The following JPH1 variants were observed in gnomAD, a reference collection of about 807,000 sequenced individuals.
JPH1 encodes the protein junctophilin 1.
JPH1 carries 12 observed loss-of-function variants against 53.6 expected under a neutral mutation model. The observed-to-expected ratio is 0.22, with a 90% confidence interval of 0.14 to 0.36. JPH1 has a LOEUF of 0.36. Ranked by LOEUF, JPH1 falls within the 10% of genes least tolerant of loss-of-function variation. JPH1 has a pLI of 1.00. For missense variants in JPH1, 808 were observed against 905.5 expected, an observed-to-expected ratio of 0.89 and a Z score of 1.38; for synonymous variants, 375 against 363.8, an observed-to-expected ratio of 1.03 and a Z score of -0.35.
At chr8:74,283,733 C>A (rs1353721399) in intron 2 of JPH1, among the ~76,000 whole-genome samples, 4 of 152,208 alleles carry the variant, frequency 2.6e-5, no homozygotes, top group Admixed American at 6.5e-5. Context: ...CTCCCCCTCC[C>A]CAAGCCCTGA....
chr8:74,316,003 T>C (rs1372940071), intron 1 of JPH1, among the ~76,000 whole-genome samples: 2 of 152,244 alleles, frequency 1.3e-5, no homozygotes, highest in Non-Finnish European at 2.9e-5. Context: ...AAATGAATTC[T>C]ATGTGTAAAT....
intron 2 of JPH1, among the ~76,000 whole-genome samples, chr8:74,298,236 T>C (rs1807576862): frequency 6.6e-6 from 1 of 152,212 alleles, no homozygotes; most frequent in African/African-American, 2.4e-5. Flanking sequence ...CCCCATAATG[T>C]CTCCATCAGC....
chr8:74,306,384 A>G (rs147090282), intron 2 of JPH1, among the ~76,000 whole-genome samples: 1 of 152,296 alleles, frequency 6.6e-6, no homozygotes, highest in East Asian at 1.9e-4. Context: ...CCCAGAAAAA[A>G]TGTGACGAAG....
chr8:74,244,384 A>G, intron 4 of JPH1, 145 bp downstream of exon 4: 2 of 799,806 alleles, frequency 2.5e-6, no homozygotes, highest in South Asian at 1.8e-5. Flanking sequence ...CAAGCTACCA[A>G]TGTGTTATGT....
Position 74,315,438 on chromosome 8 carries a change from C to A in JPH1, c.562G>T (p.Gly188Cys). ...DAAAAADSPA[G>C]TRGGFVLNFH... ...TTGAGCACGAAACCGCCGCGGGTGC[C>A]GGCCGGGCTGTCGGCGGCGGCTGCG... The change falls in exon 2 of 6, where the codon GGC (glycine) becomes TGC (cysteine). Residue 188 changes from glycine (G) to cysteine (C), a missense_variant. Gly to Cys is a radical substitution (Grantham distance 159). Around this residue, in one of 2 missense-constraint regions of JPH1, gnomAD observed 756 missense variants for 811.9 expected, o/e 0.93. Coordinates refer to ENST00000342232, the MANE Select transcript of JPH1 (RefSeq NM_020647.4). The surrounding 1 kb of genome is among the most constrained non-coding windows in gnomAD (Gnocchi z 6.3). The A allele has an allele frequency of 6.2e-7, 1 of 1,610,882 alleles. No individual in the cohort carries two copies.
In JPH1 at chr8:74,238,962, T is replaced by C. The variant is rs755998285; in HGVS notation, c.1906-1659A>G. Reference sequence around the variant, plus strand: ...CGTGTACCACAGTGCCTGACCCAAATGTGGGTTGTTAAACGAAATGGATTA... The same window carrying C: ...CGTGTACCACAGTGCCTGACCCAAACGTGGGTTGTTAAACGAAATGGATTA... On this transcript the variant is annotated intron_variant, in intron 4 of 5. Transcript: ENST00000342232. Among the ~76,000 whole-genome samples, 3 of 152,218 alleles carry C rather than the reference T, an allele frequency of 2.0e-5. No homozygotes were observed. The East Asian group carries it at 5.8e-4, about 29-fold the overall frequency.
At chr8:74,280,456 T>C (rs950557855) in intron 2 of JPH1, among the ~76,000 whole-genome samples, 2 of 152,192 alleles carry the variant, frequency 1.3e-5, no homozygotes, top group African/African-American at 2.4e-5. Context: ...AGCAGACAGA[T>C]GGTTCACATA....
At chr8:74,273,555 C>T (rs909036219) in intron 2 of JPH1, among the ~76,000 whole-genome samples, 13 of 152,134 alleles carry the variant, frequency 8.5e-5, no homozygotes, top group South Asian at 4.1e-4. Context: ...AAGTCAGGAT[C>T]GCTCATATTT....
chr8:74,244,569 C>T lies in JPH1; in HGVS notation c.1865G>A (p.Ser622Asn), dbSNP rs757698985. The change falls in exon 4 of 6, where the codon AGC becomes AAC. Residue 622 changes from serine to asparagine, a missense_variant. Ser to Asn is a conservative substitution (Grantham distance 46). Transcript: ENST00000342232. ...SELAIPKNPA[S>N]NDSCPALEKE... The stretch of plus-strand genomic sequence containing the variant: ...TTCCAAAGCAGGGCATGAATCGTTG[C>T]TTGCTGGATTCTTTGGTATAGCAAG... 2.5e-6 allele frequency: 4 copies of T among 1,612,614 alleles called. No individual in the cohort carries two copies. The highest frequency in any genetic ancestry group is 3.4e-6 in the Non-Finnish European group (4 of 1,179,514).
intron 2 of JPH1, among the ~76,000 whole-genome samples, chr8:74,308,536 C>T (rs948306181): frequency 6.6e-5 from 10 of 152,146 alleles, no homozygotes; most frequent in African/African-American, 2.4e-4. Flanking sequence ...AATTCATTCA[C>T]CAAATATTTA....
intron 2 of JPH1, among the ~76,000 whole-genome samples, chr8:74,309,998 G>C (rs965233024): frequency 2.0e-5 from 3 of 152,114 alleles, no homozygotes; most frequent in African/African-American, 7.2e-5. Flanking sequence ...ATAGTTTAGG[G>C]CTCTAAAACA....
At chr8:74,295,634 T>G (rs758889051) in intron 2 of JPH1, among the ~76,000 whole-genome samples, 49 of 152,256 alleles carry the variant, frequency 3.2e-4, no homozygotes, top group Non-Finnish European at 6.2e-4. Context: ...AGACAACACT[T>G]GAATAAAATC....
Position 74,320,852 on chromosome 8 carries a change from G to C in JPH1, c.379+57C>G. ...GTCCTCCCCGCTTCCCCGCAGCCGG[G>C]GCAGAGCCCACCGCACCAGCTCGCG... On this transcript the variant is annotated intron_variant, in intron 1 of 5. Transcript: ENST00000342232. This position sits in a 1 kb window ranked among gnomAD's most constrained non-coding sequence, Gnocchi z 4.4. 2.1e-6 allele frequency: 3 copies of C among 1,452,024 alleles called. No homozygotes were observed. The highest frequency in any genetic ancestry group is 2.7e-6 in the Non-Finnish European group (3 of 1,104,936). The allele number at this position is 1,452,024 out of a possible 1,614,324, so 89.9% of individuals were successfully genotyped here.
At chr8:74,308,391 G>T (rs1236339541) in intron 2 of JPH1, among the ~76,000 whole-genome samples, 1 of 152,208 alleles carries the variant, frequency 6.6e-6, no homozygotes, top group Non-Finnish European at 1.5e-5. Context: ...GACATTTTCT[G>T]CACTCCTTGA....
chr8:74,314,220 T>G (rs1452900908), intron 2 of JPH1, among the ~76,000 whole-genome samples: 5 of 152,210 alleles, frequency 3.3e-5, no homozygotes, highest in African/African-American at 1.2e-4. Flanking sequence ...ATGTGGCGAT[T>G]CTTGTAGGTC....
At chr8:74,276,664 G>C (rs912447429) in intron 2 of JPH1, among the ~76,000 whole-genome samples, 1 of 152,210 alleles carries the variant, frequency 6.6e-6, no homozygotes, top group Non-Finnish European at 1.5e-5. Context: ...GTTGGTGAGT[G>C]GCGGAAGCAA....
intron 2 of JPH1, among the ~76,000 whole-genome samples, chr8:74,275,682 C>T (rs924562112): frequency 6.6e-6 from 1 of 152,180 alleles, no homozygotes; most frequent in Non-Finnish European, 1.5e-5. Context: ...GGATCAAGAA[C>T]CTGCCTTGGA....
intron 4 of JPH1, 31 bp downstream of exon 4, chr8:74,244,498 A>G: frequency 6.4e-7 from 1 of 1,555,356 alleles, no homozygotes. Flanking sequence ...AAGGGAAGAA[A>G]GAAAGAGAAA....
At chr8:74,290,151 C>T (rs1007660826) in intron 2 of JPH1, among the ~76,000 whole-genome samples, 11 of 152,074 alleles carry the variant, frequency 7.2e-5, no homozygotes, top group Admixed American at 6.6e-4. Flanking sequence ...CTGGCCAGGA[C>T]AATCAGGCAA....
Sources: allele counts gnomAD v4.1 joint callset (sites outside exome capture counted in the v4.1 genomes callset), GRCh38; gene constraint gnomAD v4.1.1; regional missense constraint gnomAD v4.1.1; non-coding constraint Gnocchi (gnomAD v3.1); transcripts MANE v1.5; gene names NCBI Gene and HGNC (gene_info 2026-07-23, HGNC 2026-07-21).